Variants in ZFPM2 observed in about 807,000 individuals in gnomAD.
ZFPM2 encodes the protein zinc finger protein, FOG family member 2.
In ZFPM2, 20 loss-of-function variants were observed where a neutral mutation model predicts 98.6. The ratio of observed to expected loss-of-function variants is 0.20; its 90% CI spans 0.14 to 0.29. The LOEUF (loss-of-function observed/expected upper bound fraction) is 0.29. ZFPM2 is among the 10% of genes least tolerant of loss of function. The pLI, the probability that ZFPM2 is intolerant of heterozygous loss-of-function variation, is 1.00. For missense variants in ZFPM2, 1,310 were observed against 1,388.6 expected (o/e 0.94, Z 0.90); for synonymous variants, 518 against 502.7 (o/e 1.03, Z -0.41).
intron 3 of ZFPM2, among the ~76,000 whole-genome samples, chr8:105,556,724 C>T (rs1326942403): frequency 1.4e-5 from 2 of 147,114 alleles, no homozygotes; most frequent in African/African-American, 5.0e-5. Flanking sequence ...CTTCCCTCCC[C>T]TCCCCTCCCC....
At chr8:105,571,077 G>A (rs1815344632) in intron 4 of ZFPM2, among the ~76,000 whole-genome samples, 1 of 152,196 alleles carries the variant, frequency 6.6e-6, no homozygotes, top group South Asian at 2.1e-4. Flanking sequence ...CTCTATGTGT[G>A]TAAAGTTGAG....
chr8:105,659,266 C>G (rs1346230861), intron 5 of ZFPM2, among the ~76,000 whole-genome samples: 2 of 151,838 alleles, frequency 1.3e-5, no homozygotes, highest in African/African-American at 4.8e-5. Context: ...AAAAAAAAAG[C>G]AAATAAATAA....
At chr8:105,435,417 T>G (rs1372946255) in intron 2 of ZFPM2, among the ~76,000 whole-genome samples, 1 of 152,190 alleles carries the variant, frequency 6.6e-6, no homozygotes, top group African/African-American at 2.4e-5. Flanking sequence ...CTGAAATTTC[T>G]ATTTAAAAGT....
chr8:105,391,293 G>T (rs1043431447), intron 1 of ZFPM2, among the ~76,000 whole-genome samples: 3 of 152,176 alleles, frequency 2.0e-5, no homozygotes, highest in Non-Finnish European at 4.4e-5. Context: ...ATACCTTAAT[G>T]TAAAAACAGT....
intron 5 of ZFPM2, among the ~76,000 whole-genome samples, chr8:105,697,156 G>A (rs928233336): frequency 6.6e-6 from 1 of 152,142 alleles, no homozygotes; most frequent in African/African-American, 2.4e-5. Context: ...CAGTCTTACT[G>A]TGATACTTTA....
chr8:105,560,792 G>A (rs1815118588), intron 3 of ZFPM2, among the ~76,000 whole-genome samples: 1 of 151,612 alleles, frequency 6.6e-6, no homozygotes, highest in Non-Finnish European at 1.5e-5. Flanking sequence ...GTATTTTTTT[G>A]GTACAATAGA....
chr8:105,582,153 G>A (rs1480467967), intron 4 of ZFPM2, among the ~76,000 whole-genome samples: 2 of 152,116 alleles, frequency 1.3e-5, no homozygotes, highest in African/African-American at 4.8e-5. Context: ...GAGGTCTCTG[G>A]GAAACCATAA....
intron 1 of ZFPM2, among the ~76,000 whole-genome samples, chr8:105,353,338 G>C (rs938313637): frequency 6.6e-6 from 1 of 152,004 alleles, no homozygotes; most frequent in Non-Finnish European, 1.5e-5. Flanking sequence ...CCCCATATAC[G>C]ATAGTGCCTC....
rs567090505 is a variant in ZFPM2, at chr8:105,723,770, C to T, written c.533-64948C>T. 2.3e-4 allele frequency among the ~76,000 whole-genome samples: 35 copies of T among 151,886 alleles called. 1 individual carries two copies. The East Asian group carries it at 3.1e-3, about 14-fold the overall frequency. ...TTTGCTCTAAAGAGTAGAGTTAGCC[C>T]GTTCCTTTCTGCCTTAAATCCTGGT... On this transcript the variant is annotated intron_variant, in intron 5 of 7. Coordinates refer to ENST00000407775, the MANE Select transcript of ZFPM2 (RefSeq NM_012082.4).
intron 1 of ZFPM2, among the ~76,000 whole-genome samples, chr8:105,352,152 G>GT (rs1812661547): frequency 6.6e-6 from 1 of 152,126 alleles, no homozygotes; most frequent in Non-Finnish European, 1.5e-5. Context: ...TGCATCTTAC[G>GT]TTTGGAACTA....
At chr8:105,418,800 G>GGC (rs1428273100) in intron 1 of ZFPM2, 1 of 520,324 alleles carries the variant, frequency 1.9e-6, no homozygotes, top group Non-Finnish European at 3.8e-6. Context: ...CTCTTTACCA[G>GGC]ATAGTTAATT....
At chr8:105,524,615 T>C (rs1469515933) in intron 3 of ZFPM2, among the ~76,000 whole-genome samples, 1 of 152,180 alleles carries the variant, frequency 6.6e-6, no homozygotes, top group African/African-American at 2.4e-5. Flanking sequence ...AAAAAGAGTC[T>C]GTAAAGCCTT....
chr8:105,328,690 T>C (rs964225521), intron 1 of ZFPM2, among the ~76,000 whole-genome samples: 2 of 151,898 alleles, frequency 1.3e-5, no homozygotes, highest in African/African-American at 4.8e-5. Flanking sequence ...TTTTTATTTA[T>C]TTAGGATAAA....
At chr8:105,565,273 A>C (rs749112779) in intron 4 of ZFPM2, among the ~76,000 whole-genome samples, 2 of 152,200 alleles carry the variant, frequency 1.3e-5, no homozygotes, top group Non-Finnish European at 2.9e-5. Flanking sequence ...CAAACAAATT[A>C]GTTTGACAAA....
chr8:105,686,845 ATTTC>A (rs1233306134), intron 5 of ZFPM2, among the ~76,000 whole-genome samples: 1 of 152,072 alleles, frequency 6.6e-6, no homozygotes, highest in Non-Finnish European at 1.5e-5. Context: ...AGTTTTTATT[ATTTC>A]TTTTTGATTT....
intron 5 of ZFPM2, among the ~76,000 whole-genome samples, chr8:105,778,509 C>CGT (rs1458148835): frequency 6.9e-6 from 1 of 144,502 alleles, no homozygotes; most frequent in South Asian, 2.1e-4. Context: ...TGTGTGTGTG[C>CGT]GTGTGTGTGT....
At chr8:105,363,713 G>C (rs780385035) in intron 1 of ZFPM2, among the ~76,000 whole-genome samples, 1 of 151,910 alleles carries the variant, frequency 6.6e-6, no homozygotes, top group Admixed American at 6.6e-5. Flanking sequence ...GTATTCCTAA[G>C]TTTGGGGAAA....
chr8:105,386,730 C>T (rs149603240), intron 1 of ZFPM2, among the ~76,000 whole-genome samples: 1,816 of 152,246 alleles, frequency 0.012, 14 homozygotes, highest in Non-Finnish European at 0.019. Flanking sequence ...AGTCTCTTAT[C>T]GGGCCCCACC....
At chr8:105,714,275 T>C (rs368031887) in intron 5 of ZFPM2, among the ~76,000 whole-genome samples, 3 of 152,210 alleles carry the variant, frequency 2.0e-5, no homozygotes, top group South Asian at 2.1e-4. Flanking sequence ...TTGAACCTCA[T>C]TGGCTTACAG....
Sources: allele counts gnomAD v4.1 joint callset (sites outside exome capture counted in the v4.1 genomes callset), GRCh38; gene constraint gnomAD v4.1.1; transcripts MANE v1.5; gene names NCBI Gene and HGNC (gene_info 2026-07-23, HGNC 2026-07-21).